Variants in DLAT observed in about 807,000 individuals in gnomAD.
DLAT encodes dihydrolipoyllysine-residue acetyltransferase component of pyruvate dehydrogenase complex, mitochondrial.
DLAT carries 43 observed loss-of-function variants against 68.0 expected under a neutral mutation model. That is an observed-to-expected ratio of 0.63 (90% CI 0.50 to 0.81). DLAT has a LOEUF of 0.81. Among genes scored for constraint, DLAT ranks in the 40% least tolerant of loss-of-function variants. The pLI, the probability that DLAT is intolerant of heterozygous loss-of-function variation, is 0.00. For missense variants in DLAT, 745 were observed against 815.4 expected (o/e 0.91, Z 1.05); for synonymous variants, 265 against 288.6 (o/e 0.92, Z 0.83).
intron 13 of DLAT, 68 bp downstream of exon 13, chr11:112,061,242 T>G: frequency 6.4e-7 from 1 of 1,561,076 alleles, no homozygotes; most frequent in African/African-American, 1.4e-5. Context: ...TCCTGTGGTA[T>G]CCTCAGGGGA....
chr11:112,036,204 T>TTTTTG (rs1862759011), intron 5 of DLAT, among the ~76,000 whole-genome samples: 3 of 43,144 alleles, frequency 7.0e-5, no homozygotes, highest in Admixed American at 2.8e-4. Context: ...TGTGTGTGTT[T>TTTTTG]TTTTTTTTTT....
intron 2 of DLAT, among the ~76,000 whole-genome samples, chr11:112,027,115 C>A (rs1269808495): frequency 6.8e-6 from 1 of 147,830 alleles, no homozygotes; most frequent in African/African-American, 2.5e-5. Context: ...GGGTGGCTGC[C>A]GGGCGGAGGG....
chr11:112,037,467 A>G lies in DLAT; in HGVS notation c.975+7A>G. The G allele has an allele frequency of 6.2e-7, 1 of 1,613,302 alleles. No homozygotes were observed. The highest frequency in any genetic ancestry group is 8.5e-7 in the Non-Finnish European group (1 of 1,179,210). Reference sequence around the variant, plus strand: ...ACCACCTACCCCACCCCCGGTAGGTATGCTTCTAGAATTCAGGAAACACTT... The same window carrying G: ...ACCACCTACCCCACCCCCGGTAGGTGTGCTTCTAGAATTCAGGAAACACTT... On this transcript the variant is annotated splice_region_variant and intron_variant, in intron 6 of 13. Transcript: ENST00000280346.
chr11:112,034,733 C>T (rs587755608), intron 5 of DLAT, among the ~76,000 whole-genome samples: 9 of 151,480 alleles, frequency 5.9e-5, no homozygotes, highest in African/African-American at 2.2e-4. Flanking sequence ...TGAGCCATGG[C>T]GATTTGTAGT....
At chr11:112,043,385 T>G in intron 7 of DLAT, 81 bp from the exon 8 acceptor site, 1 of 1,306,734 alleles carries the variant, frequency 7.7e-7, no homozygotes. Context: ...CTTAGGAGCT[T>G]GCAGTTTAGG....
At chr11:112,036,138 T>C (rs1862716833) in intron 5 of DLAT, among the ~76,000 whole-genome samples, 1 of 148,148 alleles carries the variant, frequency 6.8e-6, no homozygotes, top group African/African-American at 2.5e-5. Context: ...TATATATGTG[T>C]GTGTATATAT....
intron 11 of DLAT, among the ~76,000 whole-genome samples, chr11:112,054,941 T>G (rs1763186567): frequency 6.6e-6 from 1 of 152,170 alleles, no homozygotes; most frequent in African/African-American, 2.4e-5. Flanking sequence ...TCTCTTCTCT[T>G]AAGAGGACAG....
rs782120794 is a variant in DLAT at position 112,045,263 on chromosome 11, T to A, written c.1290+33T>A. ...AATTACCATCATCTGGAATCAGCTGTTAGGGGCATCTTTAGGTTGTTTAGT... is the reference window on the plus strand; with the variant it reads ...AATTACCATCATCTGGAATCAGCTGATAGGGGCATCTTTAGGTTGTTTAGT... On this transcript the variant is annotated intron_variant, in intron 9 of 13. Coordinates refer to ENST00000280346, the MANE Select transcript of DLAT (RefSeq NM_001931.5). The A allele has an allele frequency of 7.7e-6, 11 of 1,429,982 alleles. No homozygotes were observed. In the East Asian group the frequency reaches 2.0e-4, roughly 26 times the overall value. 88.6% of individuals were successfully genotyped at this position (1,429,982 alleles called of 1,614,324 possible).
At chr11:112,061,665 G>A (rs969298085) in intron 13 of DLAT, 12 of 162,108 alleles carry the variant, frequency 7.4e-5, no homozygotes, top group Non-Finnish European at 1.3e-4. Flanking sequence ...TGCAATCCCC[G>A]CCTCCCAGGT....
chr11:112,059,951 C>G lies in DLAT; in HGVS notation c.1563C>G (p.Leu521=). 2 of 1,613,650 alleles carry G rather than the reference C, an allele frequency of 1.2e-6. No individual in the cohort carries two copies. The highest frequency in any genetic ancestry group is 1.7e-6 in the Non-Finnish European group (2 of 1,179,728). The change falls in exon 12 of 14, where the codon CTC becomes CTG. Residue 521 remains leucine (L), a synonymous_variant. Transcript: ENST00000280346. ...VSVAVSTPAG[L]ITPIVFNAHI... ...TTGCGGTCAGTACTCCTGCAGGACTCATCACACCTATTGTGTTTAATGCAC... is the reference window on the plus strand; with the variant it reads ...TTGCGGTCAGTACTCCTGCAGGACTGATCACACCTATTGTGTTTAATGCAC...
At chr11:112,033,627 A>T (rs1862538735) in intron 5 of DLAT, 97 bp downstream of exon 5, 1 of 1,380,168 alleles carries the variant, frequency 7.2e-7, no homozygotes, top group African/African-American at 1.4e-5. Flanking sequence ...GATAATATGA[A>T]AACTTTATAA....
At chr11:112,037,172 TA>T in intron 5 of DLAT, 100 bp from the exon 6 acceptor site, 1 of 1,172,186 alleles carries the variant, frequency 8.5e-7, no homozygotes, top group Non-Finnish European at 1.3e-6. Flanking sequence ...GCTATATAGC[TA>T]GCTTGAATGA....
intron 11 of DLAT, among the ~76,000 whole-genome samples, chr11:112,058,586 G>A (rs587609401): frequency 1.1e-4 from 14 of 123,952 alleles, no homozygotes; most frequent in African/African-American, 4.0e-4. Context: ...ATGAATCCAT[G>A]AGCTTGTGAA....
At position 112,062,501 on chromosome 11, in the gene DLAT, A is replaced by G. The variant is rs1214635317; in HGVS notation, c.1910A>G (p.Lys637Arg). ...VGAQWLAEFRKYLEKPITMLL is the reference protein window; with the variant it reads ...VGAQWLAEFRRYLEKPITMLL ...GCCCAGTGGCTTGCTGAGTTTAGAA[A>G]GTACCTTGAAAAACCTATCACTATG... Residue 637 changes from lysine to arginine, a missense_variant, in exon 14 of 14, where the codon AAG (lysine) becomes AGG (arginine). By Grantham distance (26) the Lys-to-Arg change is conservative. Coordinates refer to ENST00000280346, the MANE Select transcript of DLAT (RefSeq NM_001931.5). 23 of 1,612,504 alleles carry G rather than the reference A, an allele frequency of 1.4e-5. No homozygotes were observed. Among genetic ancestry groups the G allele is most frequent in the Non-Finnish European group, 1.9e-5 (22 of 1,180,026 alleles).
chr11:112,028,168 T>C (rs1275907132), intron 2 of DLAT, among the ~76,000 whole-genome samples: 1 of 152,118 alleles, frequency 6.6e-6, no homozygotes, highest in Non-Finnish European at 1.5e-5. Context: ...TTCTTTGAAA[T>C]CTGTCGTAGT....
At chr11:112,033,574 C>A in intron 5 of DLAT, 44 bp downstream of exon 5, 3 of 1,609,420 alleles carry the variant, frequency 1.9e-6, no homozygotes, top group South Asian at 1.1e-5. Flanking sequence ...CTGAGTTTCC[C>A]AATGAGGAAG....
At position 112,025,483 on chromosome 11, in the gene DLAT, T is replaced by G; in HGVS notation, c.11T>G (p.Val4Gly). 1 of 1,613,102 alleles carries G rather than the reference T, an allele frequency of 6.2e-7. No individual in the cohort carries two copies. Among genetic ancestry groups the G allele is most frequent in the Non-Finnish European group, 8.5e-7 (1 of 1,179,862 alleles). MWR[V>G]CARRAQNVAP... ...GGGGTTGGTGGCACTATGTGGCGCG[T>G]CTGTGCGCGACGGGCTCAGAATGTA... The change falls in exon 1 of 14, where the codon GTC becomes GGC. Residue 4 changes from valine to glycine, a missense_variant. Transcript: ENST00000280346.
At chr11:112,026,613 A>T (rs1438493837) in intron 2 of DLAT, among the ~76,000 whole-genome samples, 2 of 152,204 alleles carry the variant, frequency 1.3e-5, no homozygotes, top group African/African-American at 4.8e-5. Context: ...TGGACACAGC[A>T]CATGTTTCAG....
intron 10 of DLAT, among the ~76,000 whole-genome samples, chr11:112,049,983 AAGTCTTT>A (rs1863523995): frequency 6.6e-6 from 1 of 152,226 alleles, no homozygotes; most frequent in African/African-American, 2.4e-5. Flanking sequence ...TTGGGAGAAT[AAGTCTTT>A]GGTCATTAAA....
Sources: gnomAD v4.1 joint callset for allele counts (sites outside exome capture counted in the v4.1 genomes callset) on GRCh38, gnomAD v4.1.1 for gene constraint, MANE v1.5 for transcripts, NCBI Gene and HGNC (gene_info 2026-07-23, HGNC 2026-07-21) for gene names.